The following GNA12 variants were observed in gnomAD, a reference collection of about 807,000 sequenced individuals.
GNA12 encodes the protein guanine nucleotide-binding protein subunit alpha-12.
Under a neutral mutation model 26.0 loss-of-function variants are expected in GNA12, and 9 were observed. The observed-to-expected ratio is 0.35, with a 90% CI of 0.21 to 0.60. The LOEUF (loss-of-function observed/expected upper bound fraction) is 0.60. Ranked by LOEUF, GNA12 falls within the 20% of genes least tolerant of loss-of-function variation. The pLI, the probability that GNA12 is intolerant of heterozygous loss-of-function variation, is 0.78. For missense variants in GNA12, 405 were observed against 525.8 expected (o/e 0.77, Z 2.25); for synonymous variants, 264 against 219.6 (o/e 1.20, Z -1.79).
At chr7:2,750,576 C>A (rs1262763730) in intron 2 of GNA12, among the ~76,000 whole-genome samples, 1 of 152,200 alleles carries the variant, frequency 6.6e-6, no homozygotes, top group Non-Finnish European at 1.5e-5. Flanking sequence ...TAACAACACA[C>A]TGTAATAAAG....
chr7:2,829,286 CCT>C (rs1044380189), intron 1 of GNA12, among the ~76,000 whole-genome samples: 2 of 152,120 alleles, frequency 1.3e-5, no homozygotes, highest in African/African-American at 2.4e-5. Flanking sequence ...CCCATATTTC[CCT>C]CTGTCGGAGA....
intron 2 of GNA12, among the ~76,000 whole-genome samples, chr7:2,780,048 G>GTGTGTATATATATATATATATA (rs748113158): frequency 2.4e-5 from 2 of 84,734 alleles, no homozygotes; most frequent in Non-Finnish European, 4.5e-5. Flanking sequence ...ACATTTCTGT[G>GTGTGTATATATATATATATATA]TACATATATA....
chr7:2,730,677 A>C lies in GNA12; in HGVS notation c.*504T>G, dbSNP rs1789842506. 1.3e-5 allele frequency: 2 copies of C among 153,338 alleles called. No individual in the cohort carries two copies. The highest frequency in any genetic ancestry group is 2.4e-5 in the African/African-American group (1 of 41,428). 9.5% of individuals were successfully genotyped at this position (153,338 alleles called of 1,614,324 possible). A position where few individuals can be genotyped will look rare whatever the true frequency, so the allele number is the denominator to read the frequency against. Reference sequence around the variant, plus strand: ...GCTGCAGGGCCGGGCTCAGGCACTGAGTTTAGCAGCATCGGCGTGCACTGG... The same window carrying C: ...GCTGCAGGGCCGGGCTCAGGCACTGCGTTTAGCAGCATCGGCGTGCACTGG... On this transcript the variant is annotated 3_prime_UTR_variant, in exon 4 of 4. Coordinates refer to ENST00000275364, the MANE Select transcript of GNA12 (RefSeq NM_007353.3).
chr7:2,751,795 T>G (rs1791053016), intron 2 of GNA12, among the ~76,000 whole-genome samples: 1 of 152,226 alleles, frequency 6.6e-6, no homozygotes, highest in Non-Finnish European at 1.5e-5. Flanking sequence ...AAAATTTAAT[T>G]TCCCAAAACG....
chr7:2,758,292 A>G (rs918035581), intron 2 of GNA12, among the ~76,000 whole-genome samples: 4 of 152,220 alleles, frequency 2.6e-5, no homozygotes, highest in African/African-American at 9.6e-5. Flanking sequence ...TAAGAAAACA[A>G]GGCTCTGCAA....
intron 1 of GNA12, among the ~76,000 whole-genome samples, chr7:2,796,841 A>G (rs1166051010): frequency 6.6e-6 from 1 of 152,188 alleles, no homozygotes; most frequent in Non-Finnish European, 1.5e-5. Flanking sequence ...CTCAGCAAAA[A>G]CAGCACCCCC....
chr7:2,734,207 C>T (rs1790043719), intron 2 of GNA12, among the ~76,000 whole-genome samples: 1 of 152,202 alleles, frequency 6.6e-6, no homozygotes, highest in Non-Finnish European at 1.5e-5. Flanking sequence ...CCGCCAAATG[C>T]GAGGCACACA....
chr7:2,764,519 T>C (rs922956167), intron 2 of GNA12: 2 of 152,256 alleles, frequency 1.3e-5, no homozygotes, highest in African/African-American at 4.8e-5. Flanking sequence ...ACAGTGGTTG[T>C]GGTCGGGCTC....
chr7:2,760,105 T>C (rs1178290367), intron 2 of GNA12, among the ~76,000 whole-genome samples: 2 of 152,260 alleles, frequency 1.3e-5, no homozygotes, highest in East Asian at 1.9e-4. Context: ...CTGTTGGCAA[T>C]GTGTAGCTTG....
rs1057217646 is a variant in GNA12 at position 2,731,144 on chromosome 7, G to T, written c.*37C>A. On this transcript the variant is annotated 3_prime_UTR_variant, in exon 4 of 4. Transcript: ENST00000275364. The surrounding 1 kb of genome is among the most constrained non-coding windows in gnomAD (Gnocchi z 6.0). ...CAAGAGTCTGACCGACAGCCGTGGG[G>T]GCTGCTCAACGACGACAAACCCCGG... 7.0e-7 allele frequency: 1 copy of T among 1,422,478 alleles called. No homozygotes were observed. The highest frequency in any genetic ancestry group is 9.8e-7 in the Non-Finnish European group (1 of 1,022,194). The allele number at this position is 1,422,478 out of a possible 1,614,324, so 88.1% of individuals were successfully genotyped here. A position where few individuals can be genotyped will look rare whatever the true frequency, so the allele number is the denominator to read the frequency against.
chr7:2,814,982 G>A, intron 1 of GNA12: 1 of 1,551,952 alleles, frequency 6.4e-7, no homozygotes, highest in Non-Finnish European at 8.7e-7. Flanking sequence ...GGCTGACAAG[G>A]ACGTCACTGT....
rs190032959 is a variant in GNA12, at chr7:2,776,437, C to T, written c.525+18491G>A. Among the ~76,000 whole-genome samples, 262 of 152,342 alleles carry T rather than the reference C, an allele frequency of 1.7e-3. 1 individual carries two copies. The highest frequency in any genetic ancestry group is 3.3e-3 in the Non-Finnish European group (223 of 68,036). On this transcript the variant is annotated intron_variant, in intron 2 of 3. Coordinates refer to ENST00000275364, the MANE Select transcript of GNA12 (RefSeq NM_007353.3). ...CAACAACGGGCAGAGACGCATCCTC[C>T]TCGGAGTGAGTCTGACAGAGCAGCG... is the stretch of plus-strand genomic sequence containing the variant.
chr7:2,771,749 A>C (rs1233934038), intron 2 of GNA12, among the ~76,000 whole-genome samples: 1 of 152,190 alleles, frequency 6.6e-6, no homozygotes, highest in Non-Finnish European at 1.5e-5. Flanking sequence ...TGTGTGTGCA[A>C]GTCTTTGTGT....
chr7:2,745,802 T>C (rs1488498325), intron 2 of GNA12, among the ~76,000 whole-genome samples: 1 of 151,816 alleles, frequency 6.6e-6, no homozygotes, highest in Non-Finnish European at 1.5e-5. Flanking sequence ...ACACATAGGC[T>C]CAAAATAAAG....
intron 2 of GNA12, among the ~76,000 whole-genome samples, chr7:2,790,881 G>A (rs897583109): frequency 6.6e-6 from 1 of 152,060 alleles, no homozygotes; most frequent in Non-Finnish European, 1.5e-5. Flanking sequence ...GGCTGAGGTG[G>A]GTGGTTTGCC....
chr7:2,829,660 T>C (rs1793558503), intron 1 of GNA12, among the ~76,000 whole-genome samples: 1 of 152,228 alleles, frequency 6.6e-6, no homozygotes, highest in Admixed American at 6.5e-5. Context: ...TTCTCTTTCA[T>C]AGTTTCTCTT....
intron 2 of GNA12, among the ~76,000 whole-genome samples, chr7:2,789,568 G>T (rs1480117454): frequency 6.6e-6 from 1 of 152,180 alleles, no homozygotes; most frequent in Admixed American, 6.5e-5. Context: ...TGGTACATGT[G>T]GCCGCAGAGA....
chr7:2,798,207 T>C (rs1269696137), intron 1 of GNA12, among the ~76,000 whole-genome samples: 1 of 151,938 alleles, frequency 6.6e-6, no homozygotes, highest in African/African-American at 2.4e-5. Flanking sequence ...GGAAAACAAA[T>C]AGATTAGACA....
At chr7:2,806,965 A>G (rs956679148) in intron 1 of GNA12, among the ~76,000 whole-genome samples, 1 of 152,246 alleles carries the variant, frequency 6.6e-6, no homozygotes, top group Non-Finnish European at 1.5e-5. Flanking sequence ...AGGTTTTGAT[A>G]AATATTACTA....
Sources: gnomAD v4.1 joint callset for allele counts (sites outside exome capture counted in the v4.1 genomes callset) on GRCh38, gnomAD v4.1.1 for gene constraint, Gnocchi (gnomAD v3.1) non-coding constraint, MANE v1.5 for transcripts, NCBI Gene and HGNC (gene_info 2026-07-23, HGNC 2026-07-21) for gene names.